ADAM17: variants seen among roughly 807,000 people sequenced by gnomAD.
The protein encoded by ADAM17 is ADAM metallopeptidase domain 17, also known as disintegrin and metalloproteinase domain-containing protein 17.
A neutral mutation model predicts 96.7 loss-of-function variants in ADAM17; 39 were observed. The observed-to-expected ratio is 0.40, with a 90% CI of 0.31 to 0.53. The LOEUF (loss-of-function observed/expected upper bound fraction) is 0.53. ADAM17 is among the 20% of genes least tolerant of loss of function. The pLI is 0.44. For missense variants in ADAM17, 777 were observed against 1,013.2 expected, an observed-to-expected ratio of 0.77 and a Z score of 3.17; for synonymous variants, 344 against 359.2, an observed-to-expected ratio of 0.96 and a Z score of 0.48.
Position 9,508,235 on chromosome 2 carries a change from A to G in ADAM17, c.1344+1744T>C, listed in dbSNP as rs535266622. ...CTACTTAAATTTTGTTCCTAGTCAC[A>G]TATTTTACAGTTTCTATTACAGAAA... On this transcript the variant is annotated intron_variant, in intron 11 of 18. Coordinates refer to ENST00000310823, the MANE Select transcript of ADAM17 (RefSeq NM_003183.6). Among the ~76,000 whole-genome samples, 4 of 152,314 alleles carry G rather than the reference A, an allele frequency of 2.6e-5. No homozygotes were observed. In the East Asian group the frequency reaches 5.8e-4, roughly 22 times the overall value.
Position 9,543,185 on chromosome 2 carries a change from T to C in ADAM17, c.198A>G (p.Val66=). 6.2e-7 allele frequency: 1 copy of C among 1,605,276 alleles called. No individual in the cohort carries two copies. Residue 66 remains valine (V), a synonymous_variant, in exon 2 of 19, where the codon GTA becomes GTG. Coordinates refer to ENST00000310823, the MANE Select transcript of ADAM17 (RefSeq NM_003183.6). ...RKRDLQTSTH[V]ETLLTFSALK... Reference sequence around the variant, plus strand: ...AAGCTGAAAAAGTTAGTAGTGTTTCTACATGTGTTGAAGTCTGTAGATCTC... The same window carrying C: ...AAGCTGAAAAAGTTAGTAGTGTTTCCACATGTGTTGAAGTCTGTAGATCTC...
intron 5 of ADAM17, 153 bp from the exon 6 acceptor site, chr2:9,526,397 G>A: frequency 1.2e-6 from 1 of 814,164 alleles, no homozygotes; most frequent in Non-Finnish European, 1.8e-6. Context: ...TAATTTGGAG[G>A]AAGACAGAAA....
intron 17 of ADAM17, among the ~76,000 whole-genome samples, chr2:9,492,617 T>C (rs1662251406): frequency 6.6e-6 from 1 of 152,208 alleles, no homozygotes; most frequent in Non-Finnish European, 1.5e-5. Context: ...TCAAAGGACC[T>C]GGACAAATCC....
intron 10 of ADAM17, among the ~76,000 whole-genome samples, chr2:9,514,908 A>AG (rs1332218672): frequency 6.6e-6 from 1 of 152,118 alleles, no homozygotes; most frequent in Non-Finnish European, 1.5e-5. Context: ...TAAGTTGCTC[A>AG]GGCTGGAATG....
At chr2:9,505,540 G>T in intron 11 of ADAM17, 175 bp from the exon 12 acceptor site, 1 of 630,852 alleles carries the variant, frequency 1.6e-6, no homozygotes, top group Non-Finnish European at 2.8e-6. Flanking sequence ...ATGGAACTGG[G>T]AACCTCCCTC....
rs143463120 is a variant in ADAM17, at chr2:9,521,188, G to C, written c.957+15C>G. The C allele has an allele frequency of 6.3e-5, 98 of 1,543,924 alleles. No individual in the cohort carries two copies. The highest frequency in any genetic ancestry group is 8.6e-5 in the Non-Finnish European group (96 of 1,117,104). On this transcript the variant is annotated intron_variant, in intron 8 of 18. Transcript: ENST00000310823. ...AAAGTGGTGTTAGCACCATATCCAG[G>C]ATTCTAAGACCTACCTCTAGCAACA...
At chr2:9,505,431 T>G (rs1230483446) in intron 11 of ADAM17, 66 bp from the exon 12 acceptor site, 1 of 1,495,556 alleles carries the variant, frequency 6.7e-7, no homozygotes, top group Non-Finnish European at 9.3e-7. Flanking sequence ...ATGCAATGTT[T>G]GTGTCTTCTC....
chr2:9,516,031 G>C (rs1288499960), intron 10 of ADAM17, among the ~76,000 whole-genome samples: 1 of 151,472 alleles, frequency 6.6e-6, no homozygotes, highest in Non-Finnish European at 1.5e-5. Flanking sequence ...AGCCTCCCAA[G>C]CAACTGGGAC....
At chr2:9,526,438 T>A (rs2125026185) in intron 5 of ADAM17, among the ~76,000 whole-genome samples, 194 bp from the exon 6 acceptor site, 1 of 152,296 alleles carries the variant, frequency 6.6e-6, no homozygotes, top group East Asian at 1.9e-4. Flanking sequence ...TAAAACACTG[T>A]AGAATTCAAA....
At position 9,555,494 on chromosome 2, in the gene ADAM17, C is replaced by T. The variant is rs764383827; in HGVS notation, c.97+15G>A. The T allele has an allele frequency of 1.3e-6, 2 of 1,578,344 alleles. No homozygotes were observed. Among genetic ancestry groups the T allele is most frequent in the Non-Finnish European group, 8.6e-7 (1 of 1,162,134 alleles). On this transcript the variant is annotated intron_variant, in intron 1 of 18. Transcript: ENST00000310823. ...CTCCAGGCGCCGGCCTAAGCCAACTCCCCTGGGTCTTTACCGAGTCTCTGG... is the reference window on the plus strand; with the variant it reads ...CTCCAGGCGCCGGCCTAAGCCAACTTCCCTGGGTCTTTACCGAGTCTCTGG...
chr2:9,522,568 T>A, intron 7 of ADAM17: 1 of 462,036 alleles, frequency 2.2e-6, no homozygotes, highest in South Asian at 4.8e-5. Flanking sequence ...TTTTTCAACC[T>A]CTAAATTCTA....
chr2:9,523,198 T>C (rs1382224253), intron 7 of ADAM17, 51 bp downstream of exon 7: 1 of 1,390,296 alleles, frequency 7.2e-7, no homozygotes, highest in Admixed American at 2.1e-5. Flanking sequence ...AAGTGACAAA[T>C]ATTTACATTA....
chr2:9,552,316 A>G (rs1479486685), intron 1 of ADAM17, among the ~76,000 whole-genome samples: 1 of 152,236 alleles, frequency 6.6e-6, no homozygotes, highest in Middle Eastern at 3.2e-3. Flanking sequence ...CAGTTTCCCC[A>G]TCACAATTAT....
intron 4 of ADAM17, among the ~76,000 whole-genome samples, chr2:9,530,337 T>C (rs561569063): frequency 6.6e-5 from 10 of 152,290 alleles, no homozygotes; most frequent in South Asian, 2.1e-4. Context: ...GGATCAGATA[T>C]ATCTGAGTTC....
chr2:9,504,994 G>A (rs1173366505), intron 12 of ADAM17, among the ~76,000 whole-genome samples, 172 bp downstream of exon 12: 3 of 152,070 alleles, frequency 2.0e-5, no homozygotes, highest in Non-Finnish European at 2.9e-5. Context: ...GTGAGCCACC[G>A]TGCCAGGCCC....
intron 1 of ADAM17, among the ~76,000 whole-genome samples, chr2:9,553,260 G>C (rs1665635434): frequency 1.3e-5 from 2 of 152,090 alleles, no homozygotes; most frequent in African/African-American, 4.8e-5. Context: ...TGTTTTAGAA[G>C]TGTCCTAAAT....
intron 13 of ADAM17, among the ~76,000 whole-genome samples, chr2:9,499,192 C>G (rs11690126): frequency 6.8e-6 from 1 of 147,418 alleles, no homozygotes; most frequent in Non-Finnish European, 1.5e-5. Context: ...AGGAACTTAT[C>G]CTCTGCTATC....
Position 9,493,940 on chromosome 2 carries a change from C to T in ADAM17, c.1915-115G>A, listed in dbSNP as rs916349549. On this transcript the variant is annotated intron_variant, in intron 15 of 18. Transcript: ENST00000310823. ...GGGCTTCATTAAAATCAAACGTTTT[C>T]CCATCTTTGACACAAGGCAATAACT... 3 of 810,638 alleles carry T rather than the reference C, an allele frequency of 3.7e-6. No individual in the cohort carries two copies. In the South Asian group the frequency reaches 5.7e-5, roughly 15 times the overall value. The allele number at this position is 810,638 out of a possible 1,614,324, so 50.2% of individuals were successfully genotyped here.
intron 8 of ADAM17, among the ~76,000 whole-genome samples, chr2:9,519,002 C>T (rs979537954): frequency 6.6e-6 from 1 of 152,088 alleles, no homozygotes; most frequent in African/African-American, 2.4e-5. Context: ...ACCTCCCAGG[C>T]TCAAGTGAAC....
Sources: allele counts gnomAD v4.1 joint callset (sites outside exome capture counted in the v4.1 genomes callset), GRCh38; gene constraint gnomAD v4.1.1; transcripts MANE v1.5; gene names NCBI Gene and HGNC (gene_info 2026-07-23, HGNC 2026-07-21).